Variants in HECW1 observed in about 807,000 individuals in gnomAD.
The protein encoded by HECW1 is HECT, C2 and WW domain containing E3 ubiquitin protein ligase 1.
Under a neutral mutation model 182.3 loss-of-function variants are expected in HECW1, and 61 were observed. The observed-to-expected ratio is 0.33, with a 90% CI of 0.27 to 0.41. The LOEUF is 0.41. Among genes scored for constraint, HECW1 ranks in the 10% least tolerant of loss-of-function variants. The probability of loss-of-function intolerance (pLI) is 1.00; values close to 1 mark genes in which losing one functional copy is unlikely to be tolerated. For missense variants in HECW1, 1,739 were observed against 2,108.9 expected, an observed-to-expected ratio of 0.82 and a Z score of 3.44; for synonymous variants, 859 against 832.6, an observed-to-expected ratio of 1.03 and a Z score of -0.55.
intron 6 of HECW1, among the ~76,000 whole-genome samples, chr7:43,393,459 A>C (rs1437097376): frequency 1.3e-5 from 2 of 152,232 alleles, no homozygotes; most frequent in African/African-American, 4.8e-5. Context: ...CAGGTTGTCA[A>C]ACCTTCCTAA....
At position 43,450,829 on chromosome 7, in the gene HECW1, T is replaced by G. The variant is rs751479954; in HGVS notation, c.2400T>G (p.Gly800=). The G allele has an allele frequency of 6.3e-7, 1 of 1,594,326 alleles. No individual in the cohort carries two copies. The highest frequency in any genetic ancestry group is 2.2e-5 in the East Asian group (1 of 44,802). The change falls in exon 12 of 30, where the codon GGT becomes GGG. Residue 800 remains glycine (G), a splice_region_variant and synonymous_variant. Transcript: ENST00000395891. ...PVAGPSNRRE[G]ECPILHNSQP... ...ATGTATTGACTATCTTGTCCGTAGGTGAATGTCCTATACTCCATAATTCCC... is the reference window on the plus strand; with the variant it reads ...ATGTATTGACTATCTTGTCCGTAGGGGAATGTCCTATACTCCATAATTCCC...
intron 2 of HECW1, among the ~76,000 whole-genome samples, chr7:43,132,185 G>A (rs1411283432): frequency 2.7e-5 from 4 of 149,042 alleles, no homozygotes; most frequent in African/African-American, 1.0e-4. Flanking sequence ...CCCCAAGTAA[G>A]GTTTTGGTGT....
chr7:43,198,335 A>G (rs1257748645), intron 2 of HECW1, among the ~76,000 whole-genome samples: 1 of 146,974 alleles, frequency 6.8e-6, no homozygotes, highest in Non-Finnish European at 1.5e-5. Context: ...CACACATCCT[A>G]CATACACTCA....
chr7:43,302,340 A>G (rs1474623655), intron 3 of HECW1, among the ~76,000 whole-genome samples: 2 of 152,230 alleles, frequency 1.3e-5, no homozygotes, highest in African/African-American at 2.4e-5. Flanking sequence ...TGGTCAGGGC[A>G]GGCAGCTGCC....
chr7:43,557,353 G>A (rs17172228), intron 29 of HECW1, among the ~76,000 whole-genome samples: 1,525 of 152,308 alleles, frequency 0.01, 72 homozygotes, highest in Admixed American at 0.072. Context: ...AGATGAGAGC[G>A]CCAGACACCG....
chr7:43,418,476 A>G (rs927349755), intron 8 of HECW1, among the ~76,000 whole-genome samples: 1 of 152,296 alleles, frequency 6.6e-6, no homozygotes, highest in African/African-American at 2.4e-5. Context: ...AATGATCCAT[A>G]TGCTAGATCT....
In HECW1 at chr7:43,254,407, G is replaced by A. The variant is rs988134401; in HGVS notation, c.27+10475G>A. Among the ~76,000 whole-genome samples the A allele has an allele frequency of 5.3e-5, 8 of 152,240 alleles. No homozygotes were observed. In the East Asian group the frequency reaches 5.8e-4, roughly 11 times the overall value. ...TGTATTTGCAATTTTTCATGAATTCGTTCAGGTAATTAATTTTATGAAATA... is the reference window on the plus strand; with the variant it reads ...TGTATTTGCAATTTTTCATGAATTCATTCAGGTAATTAATTTTATGAAATA... On this transcript the variant is annotated intron_variant, in intron 3 of 29. Transcript: ENST00000395891.
Position 43,445,377 on chromosome 7 carries a change from G to A in HECW1, c.2205G>A (p.Ser735=). 1.9e-6 allele frequency: 3 copies of A among 1,613,710 alleles called. No homozygotes were observed. Among genetic ancestry groups the A allele is most frequent in the South Asian group, 1.1e-5 (1 of 91,084 alleles). The part of the protein sequence containing the change: ...AKISESTVFS[S]QDDEEEENSA... ...TCTCCGAGAGCACGGTCTTCTCCTCGCAAGACGACGAGGAGGAGGAGAACA... is the reference window on the plus strand; with the variant it reads ...TCTCCGAGAGCACGGTCTTCTCCTCACAAGACGACGAGGAGGAGGAGAACA... Residue 735 remains serine (S), a synonymous_variant, in exon 11 of 30, where the codon TCG becomes TCA. Coordinates refer to ENST00000395891, the MANE Select transcript of HECW1 (RefSeq NM_015052.5).
intron 26 of HECW1, among the ~76,000 whole-genome samples, chr7:43,549,702 T>C (rs1255813825): frequency 6.6e-6 from 1 of 152,166 alleles, no homozygotes; most frequent in Non-Finnish European, 1.5e-5. Flanking sequence ...CCTACATGCT[T>C]CTGGTTCCCT....
intron 8 of HECW1, among the ~76,000 whole-genome samples, chr7:43,423,391 CTGTT>C (rs1190695653): frequency 3.3e-5 from 5 of 152,194 alleles, no homozygotes; most frequent in Non-Finnish European, 5.9e-5. Context: ...GGACACTCTT[CTGTT>C]TACGTGGGGT....
chr7:43,364,249 A>G (rs1159825786), intron 6 of HECW1, among the ~76,000 whole-genome samples: 4 of 152,128 alleles, frequency 2.6e-5, no homozygotes, highest in African/African-American at 7.2e-5. Context: ...CGATGCATCA[A>G]TTCTTTTTCT....
intron 23 of HECW1, among the ~76,000 whole-genome samples, chr7:43,508,423 T>C (rs888359074): frequency 6.6e-6 from 1 of 152,178 alleles, no homozygotes; most frequent in Admixed American, 6.5e-5. Flanking sequence ...GAGTATCTAA[T>C]TTAAAAAACT....
At chr7:43,503,047 A>G (rs911590932) in intron 21 of HECW1, among the ~76,000 whole-genome samples, 1 of 152,202 alleles carries the variant, frequency 6.6e-6, no homozygotes, top group African/African-American at 2.4e-5. Context: ...TGTAGCATTC[A>G]GAAGTCCCTC....
At chr7:43,294,031 A>AC (rs1294957010) in intron 3 of HECW1, among the ~76,000 whole-genome samples, 1 of 151,898 alleles carries the variant, frequency 6.6e-6, no homozygotes, top group Non-Finnish European at 1.5e-5. Context: ...TTTTGAAAAC[A>AC]CCCCCCACCA....
intron 29 of HECW1, among the ~76,000 whole-genome samples, chr7:43,560,398 A>G (rs1419410443): frequency 6.6e-6 from 1 of 152,186 alleles, no homozygotes; most frequent in African/African-American, 2.4e-5. Flanking sequence ...TTTAAGGCCT[A>G]AGACCAGACA....
intron 2 of HECW1, among the ~76,000 whole-genome samples, chr7:43,153,767 A>G (rs1292363738): frequency 1.3e-5 from 2 of 152,184 alleles, no homozygotes; most frequent in Non-Finnish European, 2.9e-5. Context: ...TTTGTATAGT[A>G]AACATGGAGA....
intron 2 of HECW1, among the ~76,000 whole-genome samples, chr7:43,217,935 C>T (rs1379999929): frequency 6.6e-6 from 1 of 151,946 alleles, no homozygotes; most frequent in Non-Finnish European, 1.5e-5. Context: ...CCCGATCCTT[C>T]TGGGGCTGGA....
At chr7:43,482,176 C>T (rs1296329697) in intron 17 of HECW1, among the ~76,000 whole-genome samples, 1 of 152,014 alleles carries the variant, frequency 6.6e-6, no homozygotes, top group Non-Finnish European at 1.5e-5. Flanking sequence ...AGAAAAGCAA[C>T]GGAGAGAGAA....
At chr7:43,195,495 G>T (rs1375580262) in intron 2 of HECW1, among the ~76,000 whole-genome samples, 1 of 152,098 alleles carries the variant, frequency 6.6e-6, no homozygotes, top group Non-Finnish European at 1.5e-5. Flanking sequence ...CTCCCTGCTT[G>T]GTAGCCACGC....
Sources: allele counts gnomAD v4.1 joint callset (sites outside exome capture counted in the v4.1 genomes callset), GRCh38; gene constraint gnomAD v4.1.1; transcripts MANE v1.5; gene names NCBI Gene and HGNC (gene_info 2026-07-23, HGNC 2026-07-21).